Variants in MNAT1 observed in about 807,000 individuals in gnomAD.
MNAT1 encodes the protein CDK-activating kinase assembly factor MAT1.
In MNAT1, 43 loss-of-function variants were observed where a neutral mutation model predicts 42.0. The observed-to-expected ratio is 1.02, with a 90% CI of 0.80 to 1.32. The LOEUF (loss-of-function observed/expected upper bound fraction) is 1.32. MNAT1 is among the 40% of genes most tolerant of loss of function. The probability of loss-of-function intolerance (pLI) is 0.00; values close to 1 mark genes in which losing one functional copy is unlikely to be tolerated. For missense variants in MNAT1, 306 were observed against 350.4 expected (o/e 0.87, Z 1.01); for synonymous variants, 118 against 120.0 (o/e 0.98, Z 0.11).
intron 7 of MNAT1, among the ~76,000 whole-genome samples, chr14:60,909,674 T>C (rs2035301435): frequency 6.6e-6 from 1 of 152,130 alleles, no homozygotes; most frequent in Admixed American, 6.6e-5. Flanking sequence ...TTCTGTTCCA[T>C]TGGTCTATAT....
chr14:60,865,155 A>C (rs749210107), intron 6 of MNAT1, among the ~76,000 whole-genome samples: 3 of 152,100 alleles, frequency 2.0e-5, no homozygotes, highest in Non-Finnish European at 4.4e-5. Flanking sequence ...TTCAGTCTCT[A>C]TAATGGCGTA....
intron 7 of MNAT1, among the ~76,000 whole-genome samples, chr14:60,952,840 G>T (rs73311489): frequency 7.1e-4 from 108 of 152,188 alleles, no homozygotes; most frequent in African/African-American, 2.6e-3. Context: ...ACAGAATCAA[G>T]AATCAGGAAA....
At chr14:60,870,540 A>T (rs1175996511) in intron 6 of MNAT1, among the ~76,000 whole-genome samples, 1 of 151,860 alleles carries the variant, frequency 6.6e-6, no homozygotes, top group Non-Finnish European at 1.5e-5. Context: ...CTAAGACCTC[A>T]CTCTTTATAT....
intron 7 of MNAT1, among the ~76,000 whole-genome samples, chr14:60,959,313 C>T (rs1233291066): frequency 3.3e-5 from 5 of 152,198 alleles, no homozygotes; most frequent in African/African-American, 1.2e-4. Context: ...GAGAAGGCTG[C>T]TGGAATCCTG....
chr14:60,936,596 G>A (rs2036002965), intron 7 of MNAT1, among the ~76,000 whole-genome samples: 1 of 152,052 alleles, frequency 6.6e-6, no homozygotes, highest in Non-Finnish European at 1.5e-5. Flanking sequence ...TGGTGTATAT[G>A]TGCCACATTT....
intron 7 of MNAT1, among the ~76,000 whole-genome samples, chr14:60,929,967 A>T (rs962980841): frequency 2.3e-4 from 35 of 152,050 alleles, no homozygotes; most frequent in African/African-American, 8.2e-4. Context: ...AAAAGGTCTT[A>T]ATTTTATTTC....
intron 7 of MNAT1, among the ~76,000 whole-genome samples, chr14:60,931,755 A>T (rs2035888694): frequency 6.6e-6 from 1 of 152,000 alleles, no homozygotes. Context: ...ATATGTGTGT[A>T]TATATATGGT....
chr14:60,904,672 G>A (rs2035155616), intron 7 of MNAT1, among the ~76,000 whole-genome samples: 1 of 152,036 alleles, frequency 6.6e-6, no homozygotes, highest in African/African-American at 2.4e-5. Context: ...TTTTTGTAGT[G>A]AGGACTTAAA....
intron 7 of MNAT1, among the ~76,000 whole-genome samples, chr14:60,900,293 T>C (rs943737202): frequency 2.6e-5 from 4 of 152,142 alleles, no homozygotes; most frequent in African/African-American, 7.2e-5. Flanking sequence ...AACAGCCAAG[T>C]TGTGAATGCA....
intron 7 of MNAT1, among the ~76,000 whole-genome samples, chr14:60,951,872 A>G (rs2036390582): frequency 6.6e-6 from 1 of 152,020 alleles, no homozygotes; most frequent in South Asian, 2.1e-4. Context: ...GCTTCTGACA[A>G]ATTCCTGTTG....
intron 7 of MNAT1, among the ~76,000 whole-genome samples, chr14:60,941,703 T>TA (rs74849961): frequency 2.2e-3 from 304 of 139,762 alleles, no homozygotes; most frequent in South Asian, 7.8e-3. Context: ...CCCTGTTTCT[T>TA]AAAAAAAAAA....
intron 7 of MNAT1, among the ~76,000 whole-genome samples, chr14:60,956,969 T>G (rs1351771824): frequency 1.1e-4 from 17 of 152,206 alleles, no homozygotes. Context: ...ATTGGCAAAT[T>G]TAGTCTATTT....
chr14:60,800,073 C>T (rs1186331790), intron 3 of MNAT1, among the ~76,000 whole-genome samples: 2 of 152,110 alleles, frequency 1.3e-5, no homozygotes, highest in Non-Finnish European at 2.9e-5. Context: ...ATAATGAATG[C>T]ATTGTGAATG....
At chr14:60,912,932 G>A (rs540050261) in intron 7 of MNAT1, among the ~76,000 whole-genome samples, 1 of 152,272 alleles carries the variant, frequency 6.6e-6, no homozygotes, top group Admixed American at 6.5e-5. Flanking sequence ...TTCCAGCTTG[G>A]TTCCATTCTC....
chr14:60,760,215 A>AT (rs556688681), intron 1 of MNAT1, among the ~76,000 whole-genome samples: 80 of 151,976 alleles, frequency 5.3e-4, no homozygotes, highest in Non-Finnish European at 1.0e-3. Context: ...TTAGTGGTAG[A>AT]TTTTGAGTAT....
chr14:60,760,765 G>A (rs1017958130), intron 1 of MNAT1, among the ~76,000 whole-genome samples: 4 of 152,172 alleles, frequency 2.6e-5, no homozygotes, highest in South Asian at 2.1e-4. Context: ...AGGAAAAATC[G>A]TTCTCCTCTT....
At chr14:60,840,367 C>T (rs2033512898) in intron 6 of MNAT1, among the ~76,000 whole-genome samples, 1 of 152,232 alleles carries the variant, frequency 6.6e-6, no homozygotes, top group Admixed American at 6.5e-5. Flanking sequence ...GCATCTCATA[C>T]TACAGTGTAT....
rs572603218 is a variant in MNAT1, at chr14:60,776,869, C to T, written c.90-19348C>T. ...TGTTTTGGTTTTTGTTTTTTTGAGA[C>T]AGAGTCTCACTCTCTTTGCCTAGGC... On this transcript the variant is annotated intron_variant, in intron 1 of 7. Coordinates refer to ENST00000261245, the MANE Select transcript of MNAT1 (RefSeq NM_002431.4). Among the ~76,000 whole-genome samples, 14 of 152,050 alleles carry T rather than the reference C, an allele frequency of 9.2e-5. No individual in the cohort carries two copies. In the South Asian group the frequency reaches 2.9e-3, roughly 32 times the overall value.
At chr14:60,883,328 G>A (rs1331575812) in intron 7 of MNAT1, among the ~76,000 whole-genome samples, 1 of 151,970 alleles carries the variant, frequency 6.6e-6, no homozygotes, top group Non-Finnish European at 1.5e-5. Context: ...ATATTTTGAA[G>A]AGATTTTCTT....
Sources: gnomAD v4.1 joint callset for allele counts (sites outside exome capture counted in the v4.1 genomes callset) on GRCh38, gnomAD v4.1.1 for gene constraint, MANE v1.5 for transcripts, NCBI Gene and HGNC (gene_info 2026-07-23, HGNC 2026-07-21) for gene names.